Variants in NRP2 observed in about 807,000 individuals in gnomAD.
NRP2 encodes neuropilin-2.
In NRP2, 52 loss-of-function variants were observed where a neutral mutation model predicts 110.4. The ratio of observed to expected loss-of-function variants is 0.47; its 90% CI spans 0.38 to 0.59. The LOEUF (loss-of-function observed/expected upper bound fraction) is 0.59. NRP2 is among the 20% of genes least tolerant of loss of function. NRP2 has a pLI of 0.00. For missense variants in NRP2, 1,049 were observed against 1,203.0 expected (o/e 0.87, Z 1.89); for synonymous variants, 508 against 468.9 (o/e 1.08, Z -1.08).
At position 205,776,853 on chromosome 2, in the gene NRP2, T is replaced by G. The variant is rs1433774688; in HGVS notation, c.2425+10050T>G. On this transcript the variant is annotated intron_variant, in intron 15 of 16. Coordinates refer to ENST00000357785, the MANE Select transcript of NRP2 (RefSeq NM_003872.3). ...TGTTCCAGAGACTGGTTCGCTTGTT[T>G]TTTCCCCTTGCCTTATCCCATACCT... 4.0e-6 allele frequency: 5 copies of G among 1,258,212 alleles called. No homozygotes were observed. The Admixed American group carries it at 1.0e-4, about 26-fold the overall frequency. 77.9% of individuals were successfully genotyped at this position (1,258,212 alleles called of 1,614,324 possible). A position where few individuals can be genotyped will look rare whatever the true frequency, so the allele number is the denominator to read the frequency against.
At chr2:205,726,835 T>A (rs932009812) in intron 6 of NRP2, among the ~76,000 whole-genome samples, 1 of 152,180 alleles carries the variant, frequency 6.6e-6, no homozygotes, top group Admixed American at 6.5e-5. Flanking sequence ...CACAGTGACC[T>A]CTGCTCTAAG....
chr2:205,693,883 C>T (rs1257779285), intron 1 of NRP2, among the ~76,000 whole-genome samples: 1 of 152,234 alleles, frequency 6.6e-6, no homozygotes, highest in African/African-American at 2.4e-5. Context: ...ATCAGATTAT[C>T]TGCTACAGTC....
chr2:205,722,145 C>CCTCTCTCT lies in NRP2; in HGVS notation c.434-315_434-308dup, dbSNP rs140982811. 787 of 221,196 alleles carry CCTCTCTCT rather than the reference C, an allele frequency of 3.6e-3. 6 individuals are homozygous for CCTCTCTCT. Among genetic ancestry groups the CCTCTCTCT allele is most frequent in the African/African-American group, 0.019 (693 of 37,382 alleles). The allele number at this position is 221,196 out of a possible 1,614,324, so 13.7% of individuals were successfully genotyped here. On this transcript the variant is annotated intron_variant, in intron 3 of 16. Coordinates refer to ENST00000357785, the MANE Select transcript of NRP2 (RefSeq NM_003872.3). ...CTCTGTTCCTCTTTTCAAGAGAATC[C>CCTCTCTCT]CTCTCTCTCTCTCTCTCTCTCTCTC...
intron 8 of NRP2, 128 bp from the exon 9 acceptor site, chr2:205,743,075 T>A: frequency 6.4e-7 from 1 of 1,566,168 alleles, no homozygotes; most frequent in Non-Finnish European, 8.6e-7. Context: ...ACATTCACCA[T>A]GCAAAGAAAT....
chr2:205,696,700 G>A (rs1533510), intron 1 of NRP2, among the ~76,000 whole-genome samples: 4,106 of 152,276 alleles, frequency 0.027, 84 homozygotes, highest in African/African-American at 0.059. Flanking sequence ...TCCTGCAAAC[G>A]GCCAGTTATG....
At chr2:205,684,103 G>C (rs1312593961) in intron 1 of NRP2, among the ~76,000 whole-genome samples, 1 of 152,244 alleles carries the variant, frequency 6.6e-6, no homozygotes, top group Non-Finnish European at 1.5e-5. Flanking sequence ...AAACTTTTGA[G>C]TGGAATTTGT....
At chr2:205,785,656 C>T (rs765272267) in intron 15 of NRP2, among the ~76,000 whole-genome samples, 1 of 152,188 alleles carries the variant, frequency 6.6e-6, no homozygotes, top group Non-Finnish European at 1.5e-5. Context: ...TATAGCCAAA[C>T]ATGTCTCTGG....
Position 205,797,082 on chromosome 2 carries a change from G to A in NRP2, c.*2024G>A, listed in dbSNP as rs138691217. The A allele has an allele frequency of 6.5e-6, 1 of 152,754 alleles. No individual in the cohort carries two copies. Among genetic ancestry groups the A allele is most frequent in the African/African-American group, 2.4e-5 (1 of 41,538 alleles). 9.5% of individuals were successfully genotyped at this position (152,754 alleles called of 1,614,324 possible). A position where few individuals can be genotyped will look rare whatever the true frequency, so the allele number is the denominator to read the frequency against. On this transcript the variant is annotated 3_prime_UTR_variant, in exon 17 of 17. Coordinates refer to ENST00000357785, the MANE Select transcript of NRP2 (RefSeq NM_003872.3). The stretch of plus-strand genomic sequence containing the variant: ...CTCTGTATCTACTGTGTATGTGAAT[G>A]GTCATGTGGGACTCAGTGGTGGTGT...
chr2:205,709,863 A>G (rs1013531950), intron 2 of NRP2, among the ~76,000 whole-genome samples: 1 of 152,210 alleles, frequency 6.6e-6, no homozygotes, highest in Non-Finnish European at 1.5e-5. Flanking sequence ...TCCATGGGCC[A>G]TATGTTCACA....
chr2:205,766,829 AT>A (rs762146818), intron 15 of NRP2, 26 bp downstream of exon 15: 976 of 1,530,762 alleles, frequency 6.4e-4, no homozygotes, highest in Middle Eastern at 1.0e-3. Flanking sequence ...GTAAAAAAAA[AT>A]TTTTTTTTTG....
At chr2:205,792,414 ATCTGG>A in intron 16 of NRP2, 129 bp downstream of exon 16, 2 of 698,828 alleles carry the variant, frequency 2.9e-6, no homozygotes, top group Admixed American at 2.3e-5. Context: ...ATATAAAAGA[ATCTGG>A]AGAAAAATGA....
At chr2:205,723,415 G>T (rs1245451217) in intron 4 of NRP2, among the ~76,000 whole-genome samples, 1 of 152,124 alleles carries the variant, frequency 6.6e-6, no homozygotes, top group African/African-American at 2.4e-5. Context: ...AGAAAACTTG[G>T]GTTGTAGGCC....
At chr2:205,785,611 G>A (rs930237172) in intron 15 of NRP2, among the ~76,000 whole-genome samples, 6 of 152,230 alleles carry the variant, frequency 3.9e-5, no homozygotes, top group Admixed American at 3.3e-4. Context: ...GCTTTGCTGT[G>A]TTTTTCCAGT....
intron 2 of NRP2, among the ~76,000 whole-genome samples, chr2:205,714,028 G>T (rs770396645): frequency 1.3e-5 from 2 of 152,164 alleles, no homozygotes; most frequent in East Asian, 3.8e-4. Flanking sequence ...AAACAGGGTC[G>T]CTTCTGCTCT....
rs2056657389 is a variant in NRP2 at position 205,705,575 on chromosome 2, G to A, written c.251+7854G>A. On this transcript the variant is annotated intron_variant, in intron 2 of 16. Transcript: ENST00000357785. ...CAACTGTATGTTTGTGGGTCACGTG[G>A]AGGAACTCTCAAAATTAGACAACAA... Among the ~76,000 whole-genome samples the A allele has an allele frequency of 3.9e-5, 6 of 152,176 alleles. 1 individual carries two copies. Among genetic ancestry groups the A allele is most frequent in the Admixed American group, 3.9e-4 (6 of 15,274 alleles).
chr2:205,758,511 C>T (rs2057769668), intron 12 of NRP2, among the ~76,000 whole-genome samples: 1 of 152,160 alleles, frequency 6.6e-6, no homozygotes, highest in African/African-American at 2.4e-5. Flanking sequence ...ATCAAGAGAC[C>T]TTTCCAGAGA....
chr2:205,752,624 C>T, intron 11 of NRP2: 1 of 582,312 alleles, frequency 1.7e-6, no homozygotes. Context: ...GAACCACTGG[C>T]AGACTTGGCT....
rs778211844 is a variant in NRP2, at chr2:205,766,842, A to G, written c.2425+39A>G. On this transcript the variant is annotated intron_variant, in intron 15 of 16. Coordinates refer to ENST00000357785, the MANE Select transcript of NRP2 (RefSeq NM_003872.3). ...AGGTAAAAAAAAATTTTTTTTTTGC[A>G]TGCTTTTTCCTTCCCCCATGTGATG... The G allele has an allele frequency of 6.3e-6, 10 of 1,583,920 alleles. No individual in the cohort carries two copies. In the South Asian group the frequency reaches 7.7e-5, roughly 12 times the overall value.
At position 205,795,375 on chromosome 2, in the gene NRP2, A is replaced by AT. The variant is rs1559373308; in HGVS notation, c.*319dup. The stretch of plus-strand genomic sequence containing the variant: ...TTTGTGAGTTTGTATTATTATTATT[A>AT]TTATTATTATTATTATATTTTATTT... On this transcript the variant is annotated 3_prime_UTR_variant, in exon 17 of 17. Coordinates refer to ENST00000357785, the MANE Select transcript of NRP2 (RefSeq NM_003872.3). The AT allele has an allele frequency of 6.6e-6, 1 of 150,408 alleles. No homozygotes were observed. The highest frequency in any genetic ancestry group is 1.9e-4 in the East Asian group (1 of 5,212). 9.3% of individuals were successfully genotyped at this position (150,408 alleles called of 1,614,324 possible).
Sources: allele counts gnomAD v4.1 joint callset (sites outside exome capture counted in the v4.1 genomes callset), GRCh38; gene constraint gnomAD v4.1.1; transcripts MANE v1.5; gene names NCBI Gene and HGNC (gene_info 2026-07-23, HGNC 2026-07-21).